Variants in EPB41L2 observed in about 807,000 individuals in gnomAD.
EPB41L2 encodes the protein erythrocyte membrane protein band 4.1 like 2.
In EPB41L2, 43 loss-of-function variants were observed where a neutral mutation model predicts 113.0. The ratio of observed to expected loss-of-function variants is 0.38; its 90% CI spans 0.30 to 0.49. The LOEUF (loss-of-function observed/expected upper bound fraction) is 0.49, where lower values mean the gene tolerates loss of function less well. Ranked by LOEUF, EPB41L2 falls within the 20% of genes least tolerant of loss-of-function variation. The pLI is 0.95. For missense variants in EPB41L2, 1,147 were observed against 1,223.4 expected (o/e 0.94, Z 0.93); for synonymous variants, 442 against 436.7 (o/e 1.01, Z -0.15).
chr6:131,047,153 A>T (rs1164781006), intron 1 of EPB41L2, among the ~76,000 whole-genome samples: 1 of 152,188 alleles, frequency 6.6e-6, no homozygotes, highest in African/African-American at 2.4e-5. Flanking sequence ...TACTACAAGA[A>T]TTAAATAAAT....
chr6:131,055,280 G>T (rs1797383742), intron 1 of EPB41L2, among the ~76,000 whole-genome samples: 1 of 152,148 alleles, frequency 6.6e-6, no homozygotes, highest in Admixed American at 6.5e-5. Flanking sequence ...AAAACCACAG[G>T]AAAGGCAGAA....
chr6:130,890,521 CT>C, intron 10 of EPB41L2, 55 bp from the exon 11 acceptor site: 1 of 1,540,102 alleles, frequency 6.5e-7, no homozygotes, highest in Non-Finnish European at 8.7e-7. Context: ...CAAAATTAGA[CT>C]TTACGGAATT....
In EPB41L2 at chr6:130,955,228, G is replaced by C. The variant is rs773955243; in HGVS notation, c.582C>G (p.Thr194=). The C allele has an allele frequency of 6.2e-7, 1 of 1,613,880 alleles. No homozygotes were observed. The highest frequency in any genetic ancestry group is 1.1e-5 in the South Asian group (1 of 91,058). ...TCAGCTCATTGGTCTGCACTTCCTT[G>C]GTCTCCCTTTTTGCTGCTCCTCCTT... ...KLEGGAAKRE[T]KEVQTNELKA... The change falls in exon 3 of 20, where the codon ACC becomes ACG. Residue 194 remains threonine (T), a synonymous_variant. Transcript: ENST00000337057.
intron 1 of EPB41L2, among the ~76,000 whole-genome samples, chr6:130,987,732 A>T (rs982636047): frequency 7.3e-6 from 1 of 136,628 alleles, no homozygotes; most frequent in Non-Finnish European, 1.6e-5. Context: ...TGAATGAATG[A>T]ATGTTGTTCT....
At chr6:130,888,718 C>T (rs1791848371) in intron 11 of EPB41L2, among the ~76,000 whole-genome samples, 1 of 152,152 alleles carries the variant, frequency 6.6e-6, no homozygotes, top group Non-Finnish European at 1.5e-5. Flanking sequence ...TGGGTTGGCA[C>T]ATTTTTCAGA....
intron 1 of EPB41L2, among the ~76,000 whole-genome samples, chr6:131,006,749 A>G (rs1785647351): frequency 6.6e-6 from 1 of 152,030 alleles, no homozygotes; most frequent in Non-Finnish European, 1.5e-5. Context: ...TGACTCTCTA[A>G]TACTAGGTTT....
chr6:130,865,975 C>T (rs1443882715), intron 16 of EPB41L2: 1 of 221,872 alleles, frequency 4.5e-6, no homozygotes, highest in Non-Finnish European at 8.9e-6. Context: ...AGAGAAGTTT[C>T]CACAGTGACC....
At chr6:130,882,765 T>C (rs915127393) in intron 12 of EPB41L2, 1 of 152,700 alleles carries the variant, frequency 6.5e-6, no homozygotes, top group Non-Finnish European at 1.5e-5. Flanking sequence ...ACCCAGACCT[T>C]GGGGAGGCTG....
intron 3 of EPB41L2, among the ~76,000 whole-genome samples, chr6:130,939,075 T>C (rs1196375110): frequency 6.6e-6 from 1 of 151,926 alleles, no homozygotes; most frequent in Non-Finnish European, 1.5e-5. Flanking sequence ...GAATGAAATC[T>C]TTCCCCTTTA....
intron 3 of EPB41L2, among the ~76,000 whole-genome samples, chr6:130,936,297 T>C (rs1808761347): frequency 6.6e-6 from 1 of 152,254 alleles, no homozygotes; most frequent in African/African-American, 2.4e-5. Context: ...TTTATTTCAG[T>C]GGGAAATAAG....
At chr6:131,006,966 A>G (rs1785713729) in intron 1 of EPB41L2, among the ~76,000 whole-genome samples, 1 of 152,024 alleles carries the variant, frequency 6.6e-6, no homozygotes, top group Non-Finnish European at 1.5e-5. Context: ...ATCACATCTT[A>G]ACTCCTTTGC....
chr6:131,056,724 G>A (rs1554360071), intron 1 of EPB41L2, among the ~76,000 whole-genome samples: 1 of 152,180 alleles, frequency 6.6e-6, no homozygotes, highest in Non-Finnish European at 1.5e-5. Flanking sequence ...TAACTCTGAG[G>A]TAGGTATGAT....
chr6:130,985,787 T>C (rs1341037551), intron 1 of EPB41L2, among the ~76,000 whole-genome samples: 4 of 152,144 alleles, frequency 2.6e-5, no homozygotes, highest in African/African-American at 7.2e-5. Flanking sequence ...AGAATATAGG[T>C]GAGAAGCTCC....
rs1242108944 is a variant in EPB41L2 at position 130,885,121 on chromosome 6, G to A, written c.1808C>T (p.Pro603Leu). 2 of 1,613,936 alleles carry A rather than the reference G, an allele frequency of 1.2e-6. No individual in the cohort carries two copies. Among genetic ancestry groups the A allele is most frequent in the Non-Finnish European group, 1.7e-6 (2 of 1,180,002 alleles). ...RREVRSPTKA[P>L]HLQLIEGKKN... ...CTTTCCTTCAATGAGCTGCAAATGT[G>A]GGGCTTTAGTTGGGCTTCTCACTTC... The change falls in exon 12 of 20, where the codon CCA becomes CTA. Residue 603 changes from proline (P) to leucine (L), a missense_variant. Coordinates refer to ENST00000337057, the MANE Select transcript of EPB41L2 (RefSeq NM_001431.4).
intron 11 of EPB41L2, among the ~76,000 whole-genome samples, chr6:130,887,841 C>T (rs1476434678): frequency 3.9e-5 from 6 of 152,090 alleles, no homozygotes; most frequent in Admixed American, 3.9e-4. Flanking sequence ...TCCTCAACCC[C>T]CAAATGCATC....
At chr6:131,062,579 GGC>G (rs1465977493) in intron 1 of EPB41L2, 1 of 151,492 alleles carries the variant, frequency 6.6e-6, no homozygotes, top group Admixed American at 6.6e-5. Context: ...CCGCGCGTGG[GGC>G]TGGCGCGCCG....
At chr6:130,899,251 G>A (rs1014820052) in intron 8 of EPB41L2, among the ~76,000 whole-genome samples, 1 of 151,850 alleles carries the variant, frequency 6.6e-6, no homozygotes, top group Non-Finnish European at 1.5e-5. Flanking sequence ...GTCATAGTAA[G>A]TACCTATGAA....
intron 1 of EPB41L2, among the ~76,000 whole-genome samples, chr6:131,031,148 G>A (rs537762249): frequency 6.6e-5 from 10 of 152,044 alleles, no homozygotes; most frequent in Non-Finnish European, 1.3e-4. Context: ...ACAATTAAAT[G>A]TCTAGTAGGC....
chr6:130,984,470 T>C (rs997526309), intron 1 of EPB41L2, among the ~76,000 whole-genome samples: 2 of 152,210 alleles, frequency 1.3e-5, no homozygotes, highest in African/African-American at 4.8e-5. Flanking sequence ...CATTGTGCTA[T>C]GACATTACCA....
Sources: allele counts gnomAD v4.1 joint callset (sites outside exome capture counted in the v4.1 genomes callset), GRCh38; gene constraint gnomAD v4.1.1; transcripts MANE v1.5; gene names NCBI Gene and HGNC (gene_info 2026-07-23, HGNC 2026-07-21).